The following RNF138 variants were observed in gnomAD, a reference collection of about 807,000 sequenced individuals.
The protein encoded by RNF138 is E3 ubiquitin-protein ligase RNF138.
RNF138 carries 12 observed loss-of-function variants against 31.0 expected under a neutral mutation model. The observed-to-expected ratio is 0.39, with a 90% CI of 0.25 to 0.63. RNF138 has a LOEUF of 0.63. RNF138 is among the 20% of genes least tolerant of loss of function. RNF138 has a pLI of 0.52. For synonymous variants in RNF138, 105 were observed against 99.5 expected (o/e 1.06, Z -0.33); for missense variants, 192 against 300.1 (o/e 0.64, Z 2.66).
chr18:32,104,738 CAA>C (rs1422390642), intron 2 of RNF138, among the ~76,000 whole-genome samples: 2 of 152,064 alleles, frequency 1.3e-5, no homozygotes, highest in Non-Finnish European at 2.9e-5. Context: ...AAGAAAATTA[CAA>C]AACTTTATTG....
intron 2 of RNF138, among the ~76,000 whole-genome samples, chr18:32,098,496 G>A (rs2039854910): frequency 6.6e-6 from 1 of 152,042 alleles, no homozygotes; most frequent in South Asian, 2.1e-4. Flanking sequence ...GAGTAGTTAT[G>A]CTCTAAGTAT....
chr18:32,113,992 A>G, intron 4 of RNF138, 132 bp downstream of exon 4: 1 of 529,918 alleles, frequency 1.9e-6, no homozygotes, highest in Non-Finnish European at 3.3e-6. Flanking sequence ...GTGAATTGCC[A>G]AGTATCAGAA....
At position 32,092,667 on chromosome 18, in the gene RNF138, T is replaced by G. The variant is rs1198559254; in HGVS notation, c.-77-33T>G. 7.1e-6 allele frequency: 5 copies of G among 704,432 alleles called. No individual in the cohort carries two copies. The Admixed American group carries it at 1.1e-4, about 15-fold the overall frequency. 43.6% of individuals were successfully genotyped at this position (704,432 alleles called of 1,614,324 possible). A position where few individuals can be genotyped will look rare whatever the true frequency, so the allele number is the denominator to read the frequency against. On this transcript the variant is annotated intron_variant, in intron 1 of 7. Coordinates refer to ENST00000261593, the MANE Select transcript of RNF138 (RefSeq NM_016271.5). Reference sequence around the variant, plus strand: ...CTTCCTGGCGCGCGCTGTATCCTGATGCGATCCCCCTCCCCCCTCCGGGTT... The same window carrying G: ...CTTCCTGGCGCGCGCTGTATCCTGAGGCGATCCCCCTCCCCCCTCCGGGTT...
At chr18:32,102,022 G>A (rs1399394441) in intron 2 of RNF138, among the ~76,000 whole-genome samples, 2 of 150,480 alleles carry the variant, frequency 1.3e-5, no homozygotes, top group African/African-American at 4.9e-5. Flanking sequence ...GACTACAGGC[G>A]TGCACCACCA....
chr18:32,121,911 C>T (rs1003709919), intron 4 of RNF138, among the ~76,000 whole-genome samples: 10 of 152,096 alleles, frequency 6.6e-5, no homozygotes, highest in African/African-American at 2.2e-4. Flanking sequence ...TCTTGTTGCC[C>T]AGGCTGGAGT....
At chr18:32,124,607 A>G in intron 5 of RNF138, 127 bp from the exon 6 acceptor site, 1 of 608,798 alleles carries the variant, frequency 1.6e-6, no homozygotes, top group South Asian at 2.0e-5. Context: ...TCAAAATGAG[A>G]GAATCTTTGA....
At chr18:32,093,274 T>G (rs1410994587) in intron 2 of RNF138, among the ~76,000 whole-genome samples, 3 of 152,052 alleles carry the variant, frequency 2.0e-5, no homozygotes, top group African/African-American at 4.8e-5. Context: ...TTTTTGTTTC[T>G]TAGCAACCCG....
Position 32,119,456 on chromosome 18 carries a change from A to T in RNF138, c.393-4062A>T, listed in dbSNP as rs539109017. On this transcript the variant is annotated intron_variant, in intron 4 of 7. Transcript: ENST00000261593. ...TTTTATTTTTTTGAGACAGAGTCTAACTCTGTCTCTCAGGCTGGAGTGCAA... is the reference window on the plus strand; with the variant it reads ...TTTTATTTTTTTGAGACAGAGTCTATCTCTGTCTCTCAGGCTGGAGTGCAA... 2.6e-5 allele frequency among the ~76,000 whole-genome samples: 4 copies of T among 151,800 alleles called. No individual in the cohort carries two copies. The East Asian group carries it at 7.8e-4, about 29-fold the overall frequency.
At chr18:32,096,444 T>C (rs2039807257) in intron 2 of RNF138, among the ~76,000 whole-genome samples, 1 of 152,152 alleles carries the variant, frequency 6.6e-6, no homozygotes, top group Non-Finnish European at 1.5e-5. Flanking sequence ...ATACCATATG[T>C]AGATCTGGAA....
chr18:32,125,410 T>C (rs1232625468), intron 6 of RNF138, among the ~76,000 whole-genome samples: 2 of 152,202 alleles, frequency 1.3e-5, no homozygotes, highest in Admixed American at 1.3e-4. Context: ...TAGAGCAGAA[T>C]TCAGGATTCC....
rs190104438 is a variant in RNF138, at chr18:32,123,675, G to A, written c.449+101G>A. ...AACTTTTTTTTTTTTTTTTTGAGAC[G>A]GAGTCTCACTTTGTTTTCCCAGGCT... On this transcript the variant is annotated intron_variant, in intron 5 of 7. Coordinates refer to ENST00000261593, the MANE Select transcript of RNF138 (RefSeq NM_016271.5). 135 of 713,504 alleles carry A rather than the reference G, an allele frequency of 1.9e-4. 1 individual carries two copies. In the Admixed American group the frequency reaches 3.9e-3, roughly 21 times the overall value. The allele number at this position is 713,504 out of a possible 1,614,324, so 44.2% of individuals were successfully genotyped here.
At chr18:32,126,895 G>C in intron 7 of RNF138, 95 bp downstream of exon 7, 1 of 707,684 alleles carries the variant, frequency 1.4e-6, no homozygotes, top group South Asian at 1.7e-5. Context: ...GCAAGCTGTT[G>C]TATCTTACTG....
At chr18:32,107,299 A>G (rs1424945278) in intron 2 of RNF138, among the ~76,000 whole-genome samples, 3 of 147,794 alleles carry the variant, frequency 2.0e-5, no homozygotes, top group African/African-American at 7.5e-5. Flanking sequence ...TTTTTTTTGT[A>G]TTTTAGTAGA....
chr18:32,111,775 G>C lies in RNF138; in HGVS notation c.132G>C (p.Leu44=). Residue 44 remains leucine (L), a synonymous_variant, in exon 3 of 8, where the codon CTG becomes CTC. Transcript: ENST00000261593. The stretch of plus-strand genomic sequence containing the variant: ...TTAGTTTCTGTAGAAAATGTTTCCT[G>C]ACTGCAATGAGGGAAAGCGGAGCAC... ...CQHVFCRKCF[L]TAMRESGAHC... The C allele has an allele frequency of 6.2e-7, 1 of 1,611,796 alleles. No individual in the cohort carries two copies. Among genetic ancestry groups the C allele is most frequent in the Non-Finnish European group, 8.5e-7 (1 of 1,179,580 alleles).
chr18:32,113,615 T>C, intron 3 of RNF138, 130 bp from the exon 4 acceptor site: 1 of 509,058 alleles, frequency 2.0e-6, no homozygotes, highest in South Asian at 3.3e-5. Context: ...GATGAAATCA[T>C]TTACTTTAAA....
intron 3 of RNF138, 80 bp downstream of exon 3, chr18:32,111,999 GTT>G (rs368828041): frequency 2.2e-3 from 1,890 of 866,146 alleles, no homozygotes; most frequent in South Asian, 3.4e-3. Context: ...CTTGGTTGGT[GTT>G]TTTTTTTTTT....
intron 1 of RNF138, among the ~76,000 whole-genome samples, 169 bp downstream of exon 1, chr18:32,092,404 C>T (rs1343077109): frequency 6.6e-6 from 1 of 151,742 alleles, no homozygotes; most frequent in Non-Finnish European, 1.5e-5. Flanking sequence ...GAGGGCGGGG[C>T]GCGAGCCCGC....
intron 4 of RNF138, among the ~76,000 whole-genome samples, chr18:32,114,836 C>G (rs577223668): frequency 6.6e-6 from 1 of 152,258 alleles, no homozygotes; most frequent in Admixed American, 6.5e-5. Context: ...TCATGTTGAT[C>G]ATACTACATT....
intron 4 of RNF138, among the ~76,000 whole-genome samples, chr18:32,120,590 T>A (rs2040288150): frequency 6.6e-6 from 1 of 152,222 alleles, no homozygotes; most frequent in Non-Finnish European, 1.5e-5. Flanking sequence ...TTTTCTATTG[T>A]TGAACCTATT....
Sources: gnomAD v4.1 joint callset for allele counts (sites outside exome capture counted in the v4.1 genomes callset) on GRCh38, gnomAD v4.1.1 for gene constraint, MANE v1.5 for transcripts, NCBI Gene and HGNC (gene_info 2026-07-23, HGNC 2026-07-21) for gene names.